ANO10: variants seen among roughly 807,000 people sequenced by gnomAD.
ANO10 encodes the protein anoctamin 10.
A neutral mutation model predicts 74.7 loss-of-function variants in ANO10; 77 were observed. The ratio of observed to expected loss-of-function variants is 1.03; its 90% CI spans 0.86 to 1.25. ANO10 has a LOEUF of 1.25. Ranked by LOEUF, ANO10 falls within the 50% of genes most tolerant of loss-of-function variation. The pLI is 0.00. For missense variants in ANO10, 721 were observed against 778.1 expected (o/e 0.93, Z 0.87); for synonymous variants, 279 against 284.9 (o/e 0.98, Z 0.21).
chr3:43,435,964 G>T (rs2093060814), intron 11 of ANO10, among the ~76,000 whole-genome samples: 1 of 152,180 alleles, frequency 6.6e-6, no homozygotes. Flanking sequence ...GTAAAGAGAA[G>T]CAGAAAGGAG....
At chr3:43,378,851 C>T (rs2091884628) in intron 12 of ANO10, among the ~76,000 whole-genome samples, 1 of 152,216 alleles carries the variant, frequency 6.6e-6, no homozygotes, top group Admixed American at 6.5e-5. Flanking sequence ...AAGTGTTAGG[C>T]AGGGATTCTA....
At chr3:43,687,205 C>A (rs980831034) in intron 1 of ANO10, among the ~76,000 whole-genome samples, 1 of 152,192 alleles carries the variant, frequency 6.6e-6, no homozygotes, top group African/African-American at 2.4e-5. Flanking sequence ...AATCCCAACA[C>A]TCTGGGAGGT....
chr3:43,441,552 A>G (rs908618247), intron 11 of ANO10, among the ~76,000 whole-genome samples: 3 of 152,090 alleles, frequency 2.0e-5, no homozygotes, highest in African/African-American at 4.8e-5. Context: ...AGGACCAGAG[A>G]GCTTCATGGG....
rs941899897 is a variant in ANO10 at position 43,551,523 on chromosome 3, C to A, written c.1669-1675G>T. On this transcript the variant is annotated intron_variant, in intron 10 of 12. Coordinates refer to ENST00000292246, the MANE Select transcript of ANO10 (RefSeq NM_018075.5). ...AGACACAGGACATTTCCATTTCCCC[C>A]AAAAGATTCCTCATGACCTTGCAAT... The A allele has an allele frequency of 6.6e-6, 3 of 457,198 alleles. No homozygotes were observed. The East Asian group carries it at 2.1e-4, about 32-fold the overall frequency. The allele number at this position is 457,198 out of a possible 1,614,324, so 28.3% of individuals were successfully genotyped here. A position where few individuals can be genotyped will look rare whatever the true frequency, so the allele number is the denominator to read the frequency against.
At chr3:43,439,715 C>T (rs1424690817) in intron 11 of ANO10, among the ~76,000 whole-genome samples, 1 of 151,192 alleles carries the variant, frequency 6.6e-6, no homozygotes, top group Non-Finnish European at 1.5e-5. Context: ...CCCTGTCTCA[C>T]AAAAAAAATA....
Position 43,428,406 on chromosome 3 carries a change from C to A in ANO10, c.1914+4205G>T, listed in dbSNP as rs527504022. Among the ~76,000 whole-genome samples, 3 of 152,150 alleles carry A rather than the reference C, an allele frequency of 2.0e-5. No homozygotes were observed. In the South Asian group the frequency reaches 6.2e-4, roughly 32 times the overall value. ...TTAAAAGAAAAAAATTTAGTGGAGA[C>A]AGGGAGGGAGAATACTTCTTCTGGG... On this transcript the variant is annotated intron_variant, in intron 12 of 12. Coordinates refer to ENST00000292246, the MANE Select transcript of ANO10 (RefSeq NM_018075.5).
intron 11 of ANO10, among the ~76,000 whole-genome samples, chr3:43,538,018 T>C (rs1246315212): frequency 6.6e-6 from 1 of 152,102 alleles, no homozygotes; most frequent in Admixed American, 6.5e-5. Flanking sequence ...AAATACAACA[T>C]ATCAAAATAA....
chr3:43,437,629 C>A (rs986427820), intron 11 of ANO10, among the ~76,000 whole-genome samples: 1 of 152,074 alleles, frequency 6.6e-6, no homozygotes, highest in African/African-American at 2.4e-5. Context: ...CAGACAGATA[C>A]CAGAGGCAGA....
intron 11 of ANO10, among the ~76,000 whole-genome samples, chr3:43,478,132 A>AGAGGTTACGTATCCTGGCC (rs1298216781): frequency 6.6e-6 from 1 of 152,190 alleles, no homozygotes; most frequent in African/African-American, 2.4e-5. Context: ...TGAGGATCAG[A>AGAGGTTACGTATCCTGGCC]GAGGTTACGT....
intron 11 of ANO10, among the ~76,000 whole-genome samples, chr3:43,474,592 AAAAC>A (rs1311581051): frequency 6.6e-6 from 1 of 152,244 alleles, no homozygotes; most frequent in Non-Finnish European, 1.5e-5. Context: ...CAGAAAAATT[AAAAC>A]AAACACTGTT....
chr3:43,662,089 A>C (rs2083932977), intron 1 of ANO10, among the ~76,000 whole-genome samples: 1 of 152,180 alleles, frequency 6.6e-6, no homozygotes. Context: ...CCATCCCAAA[A>C]CAACAGAATA....
At chr3:43,450,397 C>T (rs1052563566) in intron 11 of ANO10, among the ~76,000 whole-genome samples, 1 of 151,984 alleles carries the variant, frequency 6.6e-6, no homozygotes, top group African/African-American at 2.4e-5. Context: ...AAAAATTAGC[C>T]AGGCATGGTG....
chr3:43,526,642 C>G (rs1292208983), intron 11 of ANO10, among the ~76,000 whole-genome samples: 1 of 152,166 alleles, frequency 6.6e-6, no homozygotes, highest in African/African-American at 2.4e-5. Context: ...GAAGGGGCTT[C>G]TGGTAAAACG....
intron 11 of ANO10, among the ~76,000 whole-genome samples, chr3:43,516,269 G>A (rs1254250055): frequency 6.6e-6 from 1 of 152,164 alleles, no homozygotes; most frequent in East Asian, 1.9e-4. Flanking sequence ...GAAAACTGAG[G>A]GAAAGGTGAT....
intron 11 of ANO10, among the ~76,000 whole-genome samples, chr3:43,480,863 A>G (rs1239348706): frequency 1.3e-5 from 2 of 152,186 alleles, no homozygotes; most frequent in Non-Finnish European, 2.9e-5. Flanking sequence ...ACAAAGAAAA[A>G]ACAAGGCCGT....
At chr3:43,512,278 T>C (rs2077538235) in intron 11 of ANO10, among the ~76,000 whole-genome samples, 2 of 152,282 alleles carry the variant, frequency 1.3e-5, no homozygotes, top group South Asian at 4.2e-4. Context: ...CAAGGTAACA[T>C]GAGAGAGCAA....
chr3:43,396,573 G>A (rs1009813914), intron 12 of ANO10, among the ~76,000 whole-genome samples: 6 of 151,970 alleles, frequency 3.9e-5, no homozygotes, highest in African/African-American at 7.2e-5. Flanking sequence ...TCCTGACCTC[G>A]TGATCCACCC....
chr3:43,531,498 T>G (rs777887562), intron 11 of ANO10, among the ~76,000 whole-genome samples: 8 of 152,220 alleles, frequency 5.3e-5, no homozygotes, highest in Non-Finnish European at 1.0e-4. Flanking sequence ...GAAAAGCTAC[T>G]ATGCTGCATT....
intron 11 of ANO10, among the ~76,000 whole-genome samples, chr3:43,484,766 C>T (rs895870508): frequency 6.6e-6 from 1 of 152,172 alleles, no homozygotes; most frequent in Non-Finnish European, 1.5e-5. Flanking sequence ...TTTCAGGTTT[C>T]TCTGAGGTCT....
Sources: gnomAD v4.1 joint callset for allele counts (sites outside exome capture counted in the v4.1 genomes callset) on GRCh38, gnomAD v4.1.1 for gene constraint, MANE v1.5 for transcripts, NCBI Gene and HGNC (gene_info 2026-07-23, HGNC 2026-07-21) for gene names.